Variants in GABRB2 observed in about 807,000 individuals in gnomAD.
GABRB2 encodes the protein gamma-aminobutyric acid receptor subunit beta-2.
In GABRB2, 16 loss-of-function variants were observed where a neutral mutation model predicts 54.7. That is an observed-to-expected ratio of 0.29 (90% confidence interval 0.20 to 0.44). The LOEUF (loss-of-function observed/expected upper bound fraction) is 0.44. Ranked by LOEUF, GABRB2 falls within the 20% of genes least tolerant of loss-of-function variation. The pLI, the probability that GABRB2 is intolerant of heterozygous loss-of-function variation, is 1.00. For synonymous variants in GABRB2, 244 were observed against 233.8 expected (o/e 1.04, Z -0.40); for missense variants, 355 against 644.0 (o/e 0.55, Z 4.86).
chr5:161,303,827 T>C (rs1453442336), intron 9 of GABRB2, among the ~76,000 whole-genome samples: 1 of 151,434 alleles, frequency 6.6e-6, no homozygotes, highest in East Asian at 1.9e-4. Context: ...CCCATGTTAC[T>C]GTCTCTGGCC....
intron 1 of GABRB2, 64 bp from the exon 2 acceptor site, chr5:161,546,477 G>A: frequency 1.3e-6 from 2 of 1,570,832 alleles, no homozygotes; most frequent in African/African-American, 2.7e-5. Flanking sequence ...TTTCAGCATC[G>A]GATCCCTACT....
intron 4 of GABRB2, among the ~76,000 whole-genome samples, chr5:161,455,890 C>G (rs1382695873): frequency 2.0e-5 from 3 of 152,114 alleles, no homozygotes; most frequent in African/African-American, 7.2e-5. Flanking sequence ...ACTTACATAC[C>G]TACCGTTAAA....
At chr5:161,405,943 C>G (rs1756337315) in intron 5 of GABRB2, among the ~76,000 whole-genome samples, 1 of 151,980 alleles carries the variant, frequency 6.6e-6, no homozygotes, top group South Asian at 2.1e-4. Flanking sequence ...ATATAATGTA[C>G]AAATTGGAAT....
intron 3 of GABRB2, among the ~76,000 whole-genome samples, chr5:161,500,345 G>A (rs1033306596): frequency 6.6e-5 from 10 of 152,000 alleles, no homozygotes; most frequent in Non-Finnish European, 1.5e-4. Context: ...ATATAAAACA[G>A]ATGGCTGGAG....
intron 3 of GABRB2, among the ~76,000 whole-genome samples, chr5:161,537,990 G>A (rs1167237394): frequency 1.3e-5 from 2 of 151,724 alleles, no homozygotes; most frequent in Non-Finnish European, 2.9e-5. Context: ...TTCTTCACCT[G>A]ACTCGTTTCC....
At chr5:161,350,185 A>G (rs1396619765) in intron 5 of GABRB2, among the ~76,000 whole-genome samples, 2 of 152,120 alleles carry the variant, frequency 1.3e-5, no homozygotes, top group African/African-American at 2.4e-5. Flanking sequence ...CTTCTATTCA[A>G]CTGGAAGTCA....
chr5:161,492,121 C>T (rs892467660), intron 3 of GABRB2, among the ~76,000 whole-genome samples: 2 of 151,570 alleles, frequency 1.3e-5, no homozygotes, highest in Non-Finnish European at 3.0e-5. Flanking sequence ...GAACTTATGC[C>T]TTTACTGTAA....
intron 5 of GABRB2, among the ~76,000 whole-genome samples, chr5:161,341,962 TATATATAC>T (rs67361459): frequency 0.5 from 64,529 of 129,166 alleles, 17,272 homozygotes; most frequent in Non-Finnish European, 0.61. Context: ...TATATATATA[TATATATAC>T]ATACTTTATT....
intron 9 of GABRB2, among the ~76,000 whole-genome samples, chr5:161,314,263 G>C (rs1039603900): frequency 6.6e-6 from 1 of 152,248 alleles, no homozygotes; most frequent in Admixed American, 6.5e-5. Flanking sequence ...CCTCTTTAGG[G>C]AGCCACAGTA....
At chr5:161,536,233 C>T (rs1025789308) in intron 3 of GABRB2, among the ~76,000 whole-genome samples, 2 of 151,878 alleles carry the variant, frequency 1.3e-5, no homozygotes, top group Non-Finnish European at 2.9e-5. Flanking sequence ...GAATGTTGAG[C>T]GCTGTACGAA....
At chr5:161,468,464 G>T (rs190128792) in intron 3 of GABRB2, among the ~76,000 whole-genome samples, 16 of 152,114 alleles carry the variant, frequency 1.1e-4, no homozygotes, top group African/African-American at 3.9e-4. Flanking sequence ...AGCATGGTTG[G>T]TTCCTTCCTG....
At chr5:161,507,594 G>A (rs912519812) in intron 3 of GABRB2, among the ~76,000 whole-genome samples, 1 of 151,948 alleles carries the variant, frequency 6.6e-6, no homozygotes, top group Admixed American at 6.6e-5. Flanking sequence ...GCACACACAT[G>A]CATATATGTC....
At chr5:161,389,341 T>C (rs574313640) in intron 5 of GABRB2, among the ~76,000 whole-genome samples, 2 of 152,160 alleles carry the variant, frequency 1.3e-5, no homozygotes, top group Admixed American at 1.3e-4. Context: ...CTAATACATA[T>C]TCCCCAAATT....
chr5:161,519,002 A>G (rs6859358), intron 3 of GABRB2, among the ~76,000 whole-genome samples: 21 of 152,308 alleles, frequency 1.4e-4, no homozygotes, highest in African/African-American at 5.1e-4. Context: ...TGAGCTCTAT[A>G]AGGTTAACAA....
chr5:161,424,091 C>T (rs774078611), intron 4 of GABRB2, among the ~76,000 whole-genome samples: 6 of 152,060 alleles, frequency 3.9e-5, no homozygotes, highest in Non-Finnish European at 7.4e-5. Flanking sequence ...TGGAAGCTAG[C>T]AGAGGTTGGT....
intron 5 of GABRB2, among the ~76,000 whole-genome samples, chr5:161,388,815 C>T (rs1037641865): frequency 4.6e-5 from 7 of 151,820 alleles, no homozygotes; most frequent in Admixed American, 1.3e-4. Context: ...CAACATGTTG[C>T]TTAATTACTC....
At chr5:161,355,480 G>T (rs1754592846) in intron 5 of GABRB2, among the ~76,000 whole-genome samples, 1 of 151,266 alleles carries the variant, frequency 6.6e-6, no homozygotes, top group Admixed American at 6.6e-5. Flanking sequence ...ATATATGTAT[G>T]CACATTGTAT....
At chr5:161,445,749 C>T (rs886637013) in intron 4 of GABRB2, among the ~76,000 whole-genome samples, 1 of 152,088 alleles carries the variant, frequency 6.6e-6, no homozygotes, top group Non-Finnish European at 1.5e-5. Context: ...GAATCCATTA[C>T]CTGAAAGCCT....
In GABRB2 at chr5:161,541,004, C is replaced by G. The variant is rs543784772; in HGVS notation, c.237+4223G>C. ...GGGACTACAGGCACATGCCACCATG[C>G]CTAGCTAATTTTTGTATTTTTTGTA... On this transcript the variant is annotated intron_variant, in intron 3 of 9. Coordinates refer to ENST00000393959, the MANE Select transcript of GABRB2 (RefSeq NM_001371727.1). Among the ~76,000 whole-genome samples, 4 of 152,166 alleles carry G rather than the reference C, an allele frequency of 2.6e-5. No individual in the cohort carries two copies. In the East Asian group the frequency reaches 7.7e-4, roughly 29 times the overall value.
Sources: gnomAD v4.1 joint callset for allele counts (sites outside exome capture counted in the v4.1 genomes callset) on GRCh38, gnomAD v4.1.1 for gene constraint, MANE v1.5 for transcripts, NCBI Gene and HGNC (gene_info 2026-07-23, HGNC 2026-07-21) for gene names.